CLPP: variants seen among roughly 807,000 people sequenced by gnomAD.
CLPP encodes ATP-dependent Clp protease proteolytic subunit, mitochondrial.
Under a neutral mutation model 27.4 loss-of-function variants are expected in CLPP, and 14 were observed. The observed-to-expected ratio is 0.51, with a 90% confidence interval of 0.34 to 0.80. The LOEUF is 0.80. Ranked by LOEUF, CLPP falls within the 30% of genes least tolerant of loss-of-function variation. The probability of loss-of-function intolerance (pLI) is 0.02; values close to 1 mark genes in which losing one functional copy is unlikely to be tolerated. For synonymous variants in CLPP, 193 were observed against 166.6 expected (o/e 1.16, Z -1.22); for missense variants, 361 against 403.6 (o/e 0.89, Z 0.90).
intron 1 of CLPP, 30 bp downstream of exon 1, chr19:6,361,802 G>C: frequency 1.3e-6 from 2 of 1,572,192 alleles, no homozygotes; most frequent in Non-Finnish European, 1.7e-6. Flanking sequence ...ACACGGTTCG[G>C]GGGCTCCGGG....
chr19:6,363,445 A>G (rs899196539), intron 3 of CLPP, among the ~76,000 whole-genome samples: 7 of 152,052 alleles, frequency 4.6e-5, no homozygotes, highest in South Asian at 2.1e-4. Flanking sequence ...TCTCTTGGAA[A>G]TTTAGTAGAT....
intron 3 of CLPP, among the ~76,000 whole-genome samples, chr19:6,363,125 A>AT (rs1555719472): frequency 0.15 from 20,535 of 136,398 alleles, 4,041 homozygotes; most frequent in African/African-American, 0.47. Context: ...TGATGGAGGC[A>AT]TTTTTTTTTT....
chr19:6,368,271 C>T (rs892163026), intron 5 of CLPP, among the ~76,000 whole-genome samples: 5 of 152,074 alleles, frequency 3.3e-5, no homozygotes, highest in African/African-American at 4.8e-5. Context: ...GCCGCCTTCT[C>T]GCTGTGTCTT....
chr19:6,362,080 C>T (rs1246392781), intron 2 of CLPP, 140 bp downstream of exon 2: 6 of 757,674 alleles, frequency 7.9e-6, no homozygotes, highest in African/African-American at 5.3e-5. Context: ...TTCTGACTCC[C>T]CTCCTGGCTC....
intron 3 of CLPP, among the ~76,000 whole-genome samples, chr19:6,364,202 T>G (rs2091850281): frequency 1.3e-5 from 2 of 151,716 alleles, no homozygotes; most frequent in Non-Finnish European, 2.9e-5. Flanking sequence ...GGCTAATTTT[T>G]TGTATATTTA....
At position 6,361,882 on chromosome 19, in the gene CLPP, G is replaced by T; in HGVS notation, c.212G>T (p.Arg71Leu). The T allele has an allele frequency of 6.3e-7, 1 of 1,598,398 alleles. No individual in the cohort carries two copies. ...TTCTACCCCCAGGGTCGCGGCGAGC[G>T]CGCCTATGACATCTACTCGCGGCTG... The part of the protein sequence containing the change: ...IVVEQTGRGE[R>L]AYDIYSRLLR... Residue 71 changes from arginine (R) to leucine (L), a missense_variant, in exon 2 of 6, where the codon CGC (arginine) becomes CTC (leucine). By Grantham distance (102) the Arg-to-Leu change is moderately radical. Transcript: ENST00000245816.
chr19:6,364,908 T>C, intron 4 of CLPP: 1 of 354,268 alleles, frequency 2.8e-6, no homozygotes, highest in Non-Finnish European at 5.2e-6. Context: ...GTATTTTTAG[T>C]GGAGACGGGG....
At chr19:6,361,976 T>C in intron 2 of CLPP, 36 bp downstream of exon 2, 1 of 1,580,758 alleles carries the variant, frequency 6.3e-7, no homozygotes, top group Non-Finnish European at 8.6e-7. Context: ...CCCAGGACTC[T>C]CCCAAGCGCC....
At position 6,361,734 on chromosome 19, in the gene CLPP, C is replaced by T. The variant is rs1483910243; in HGVS notation, c.160C>T (p.Arg54Trp). 26 of 1,502,162 alleles carry T rather than the reference C, an allele frequency of 1.7e-5. 1 individual carries two copies. Among genetic ancestry groups the T allele is most frequent in the South Asian group, 3.8e-5 (3 of 79,746 alleles). The allele number at this position is 1,502,162 out of a possible 1,614,324, so 93.1% of individuals were successfully genotyped here. Residue 54 changes from arginine to tryptophan, a missense_variant, in exon 1 of 6, where the codon CGG becomes TGG. Physicochemically the swap from Arg to Trp is moderately radical, Grantham distance 101 (BLOSUM62 -3). Transcript: ENST00000245816. ...LQRCLHATATRALPLIPIVVE... is the reference protein window; with the variant it reads ...LQRCLHATATWALPLIPIVVE... ...GCGGTGCCTGCACGCGACGGCGACC[C>T]GGGCTCTCCCGCTCATTCCCATCGT...
chr19:6,365,409 G>A (rs372391709), intron 4 of CLPP, among the ~76,000 whole-genome samples: 2 of 152,170 alleles, frequency 1.3e-5, no homozygotes, highest in East Asian at 1.9e-4. Context: ...GAACCCAGGA[G>A]GTGGAAGTGA....
Position 6,368,176 on chromosome 19 carries a change from C to T in CLPP, c.662-362C>T, listed in dbSNP as rs1407379208. 6.6e-5 allele frequency among the ~76,000 whole-genome samples: 10 copies of T among 152,292 alleles called. No homozygotes were observed. The South Asian group carries it at 1.5e-3, about 22-fold the overall frequency. ...CAGACCTCAACAGAGATTTATGTCT[C>T]ACAGTTCTGGGGGCTGGGAAGTCCA... On this transcript the variant is annotated intron_variant, in intron 5 of 5. Coordinates refer to ENST00000245816, the MANE Select transcript of CLPP (RefSeq NM_006012.4).
In CLPP at chr19:6,369,272, T is replaced by G. The variant is rs566418378; in HGVS notation, c.*562T>G. Among the ~76,000 whole-genome samples the G allele has an allele frequency of 6.6e-6, 1 of 151,942 alleles. No individual in the cohort carries two copies. Among genetic ancestry groups the G allele is most frequent in the African/African-American group, 2.4e-5 (1 of 41,374 alleles). Reference sequence around the variant, plus strand: ...CCCATTTCTACTAAAAATACAAAAATTAGCCGAGCGTGGTGCACCTGTAAT... The same window carrying G: ...CCCATTTCTACTAAAAATACAAAAAGTAGCCGAGCGTGGTGCACCTGTAAT... On this transcript the variant is annotated 3_prime_UTR_variant, in exon 6 of 6. Transcript: ENST00000245816.
At chr19:6,363,152 G>A (rs1409026567) in intron 3 of CLPP, among the ~76,000 whole-genome samples, 1 of 149,686 alleles carries the variant, frequency 6.7e-6, no homozygotes, top group Non-Finnish European at 1.5e-5. Context: ...TTGAGATGGA[G>A]TCTCGTTCTG....
chr19:6,365,800 C>G (rs58107038), intron 4 of CLPP, among the ~76,000 whole-genome samples: 16,627 of 143,548 alleles, frequency 0.12, 2,520 homozygotes, highest in African/African-American at 0.36. Flanking sequence ...GCCCCAGCAA[C>G]AGAGGAAGAC....
At position 6,366,369 on chromosome 19, in the gene CLPP, C is replaced by T. The variant is rs1238309374; in HGVS notation, c.661+6C>T. ...ACAGAGCCTGCAGGTGATCGGTAAG[C>T]ACCCTCCTTTATTTCATCCTGGTCC... is the stretch of plus-strand genomic sequence containing the variant. On this transcript the variant is annotated splice_donor_region_variant and intron_variant, in intron 5 of 5. Coordinates refer to ENST00000245816, the MANE Select transcript of CLPP (RefSeq NM_006012.4). 9 of 1,599,252 alleles carry T rather than the reference C, an allele frequency of 5.6e-6. No homozygotes were observed. Among genetic ancestry groups the T allele is most frequent in the Middle Eastern group, 1.7e-4 (1 of 6,044 alleles).
chr19:6,364,862 G>A (rs2091854514), intron 4 of CLPP: 3 of 474,766 alleles, frequency 6.3e-6, no homozygotes, highest in Non-Finnish European at 1.1e-5. Context: ...CTGAGTAGCT[G>A]GGACTACAGG....
chr19:6,370,178 A>G lies in CLPP; in HGVS notation c.*1468A>G, dbSNP rs978620870. Among the ~76,000 whole-genome samples, 4 of 152,196 alleles carry G rather than the reference A, an allele frequency of 2.6e-5. No homozygotes were observed. Among genetic ancestry groups the G allele is most frequent in the African/African-American group, 9.6e-5 (4 of 41,456 alleles). On this transcript the variant is annotated 3_prime_UTR_variant, in exon 6 of 6. Coordinates refer to ENST00000245816, the MANE Select transcript of CLPP (RefSeq NM_006012.4). ...GTTGATTTTGGATATATTATACCTG[A>G]TGTTTTGATATGTCCCTCGACATCA...
In CLPP at chr19:6,361,905, C is replaced by G. The variant is rs1264248563; in HGVS notation, c.235C>G (p.Leu79Val). The change falls in exon 2 of 6, where the codon CTG becomes GTG. Residue 79 changes from leucine (L) to valine (V), a missense_variant. Physicochemically the swap from Leu to Val is conservative, Grantham distance 32. Transcript: ENST00000245816. ...GCGCGCCTATGACATCTACTCGCGG[C>G]TGCTGCGGGAGCGCATCGTGTGCGT... ...GERAYDIYSR[L>V]LRERIVCVMG... 1 of 1,598,728 alleles carries G rather than the reference C, an allele frequency of 6.3e-7. No homozygotes were observed. Among genetic ancestry groups the G allele is most frequent in the Non-Finnish European group, 8.5e-7 (1 of 1,179,466 alleles).
At chr19:6,368,436 T>G in intron 5 of CLPP, 102 bp from the exon 6 acceptor site, 1 of 1,128,754 alleles carries the variant, frequency 8.9e-7, no homozygotes, top group Non-Finnish European at 1.3e-6. Context: ...ACATATGAAC[T>G]TGGGGTGGTG....
Sources: allele counts gnomAD v4.1 joint callset (sites outside exome capture counted in the v4.1 genomes callset), GRCh38; gene constraint gnomAD v4.1.1; transcripts MANE v1.5; gene names NCBI Gene and HGNC (gene_info 2026-07-23, HGNC 2026-07-21).